The following MED12L variants were observed in gnomAD, a reference collection of about 807,000 sequenced individuals.
MED12L encodes the protein mediator of RNA polymerase II transcription subunit 12-like protein.
A neutral mutation model predicts 281.3 loss-of-function variants in MED12L; 60 were observed. The observed-to-expected ratio is 0.21, with a 90% confidence interval of 0.17 to 0.26. MED12L has a LOEUF of 0.26. MED12L is among the 10% of genes least tolerant of loss of function. MED12L has a pLI of 1.00. For missense variants in MED12L, 2,146 were observed against 2,680.9 expected (o/e 0.80, Z 4.41); for synonymous variants, 974 against 987.2 (o/e 0.99, Z 0.25).
chr3:151,141,187 G>GTTTTTTTGTTTT (rs376743895), intron 5 of MED12L, among the ~76,000 whole-genome samples: 21 of 99,110 alleles, frequency 2.1e-4, no homozygotes, highest in South Asian at 6.9e-4. Context: ...TGTTTTTTTT[G>GTTTTTTTGTTTT]TTTTTTTTTT....
In MED12L at chr3:151,409,346, C is replaced by T; in HGVS notation, c.5910+14C>T. The stretch of plus-strand genomic sequence containing the variant: ...CAGCAAGCACAGGTACCCACATTTG[C>T]TTTGTAGGTACTGACAGGATTTTCA... On this transcript the variant is annotated intron_variant, in intron 40 of 44. Transcript: ENST00000687756. The T allele has an allele frequency of 1.2e-6, 2 of 1,612,134 alleles. No homozygotes were observed. Among genetic ancestry groups the T allele is most frequent in the Middle Eastern group, 3.4e-4 (2 of 5,922 alleles).
intron 43 of MED12L, among the ~76,000 whole-genome samples, chr3:151,420,952 C>T (rs1311630835): frequency 6.6e-6 from 1 of 152,204 alleles, no homozygotes; most frequent in Non-Finnish European, 1.5e-5. Flanking sequence ...TGGAAGAAGT[C>T]CAATATAATC....
chr3:151,344,091 G>A lies in MED12L; in HGVS notation c.2251-5968G>A, dbSNP rs139359254. ...CGAGTCTTGGGCATTGAAATATTTC[G>A]CAAAAATGAATGCCGTCTTTTGTGA... On this transcript the variant is annotated intron_variant, in intron 16 of 44. Coordinates refer to ENST00000687756, the MANE Select transcript of MED12L (RefSeq NM_001393769.1). 7.2e-4 allele frequency among the ~76,000 whole-genome samples: 110 copies of A among 151,966 alleles called. 1 individual carries two copies. The highest frequency in any genetic ancestry group is 2.3e-3 in the African/African-American group (97 of 41,462).
chr3:151,127,728 T>C (rs1714738507), intron 4 of MED12L, 97 bp from the exon 5 acceptor site: 2 of 843,500 alleles, frequency 2.4e-6, no homozygotes, highest in Admixed American at 2.9e-5. Context: ...AGCAGGTAAC[T>C]TACAGACTCT....
At chr3:151,429,523 A>G (rs994752856) in intron 43 of MED12L, among the ~76,000 whole-genome samples, 5 of 152,250 alleles carry the variant, frequency 3.3e-5, no homozygotes, top group African/African-American at 1.2e-4. Context: ...TTGAAGATCA[A>G]GATAAAAAAG....
At chr3:151,228,323 G>C (rs1452649907) in intron 16 of MED12L, among the ~76,000 whole-genome samples, 1 of 152,122 alleles carries the variant, frequency 6.6e-6, no homozygotes, top group Non-Finnish European at 1.5e-5. Flanking sequence ...AGCTACCTCA[G>C]CTACATCTAG....
chr3:151,385,922 C>G (rs1384733593), intron 36 of MED12L, among the ~76,000 whole-genome samples: 1 of 152,070 alleles, frequency 6.6e-6, no homozygotes, highest in African/African-American at 2.4e-5. Context: ...ATTCCACAAT[C>G]ACCAAGATGA....
intron 16 of MED12L, among the ~76,000 whole-genome samples, chr3:151,234,346 G>T (rs1732298918): frequency 6.6e-6 from 1 of 152,242 alleles, no homozygotes; most frequent in African/African-American, 2.4e-5. Context: ...AAAGCCTAGA[G>T]AGCTTGAATA....
At chr3:151,141,166 G>GTTTTTTTTTTGTTT (rs1716884231) in intron 5 of MED12L, among the ~76,000 whole-genome samples, 2 of 98,122 alleles carry the variant, frequency 2.0e-5, no homozygotes, top group Admixed American at 9.7e-5. Flanking sequence ...CGTGCCTGGC[G>GTTTTTTTTTTGTTT]TTTTTTTTTT....
At chr3:151,376,938 T>A (rs1466678517) in intron 29 of MED12L, 53 bp from the exon 30 acceptor site, 1 of 1,610,720 alleles carries the variant, frequency 6.2e-7, no homozygotes, top group Non-Finnish European at 8.5e-7. Flanking sequence ...CACGTTGATG[T>A]TTGAGGATAA....
At position 151,429,473 on chromosome 3, in the gene MED12L, G is replaced by A. The variant is rs116122532; in HGVS notation, c.6409-826G>A. Among the ~76,000 whole-genome samples the A allele has an allele frequency of 3.2e-3, 491 of 152,336 alleles. 4 individuals are homozygous for A. The highest frequency in any genetic ancestry group is 0.011 in the African/African-American group (451 of 41,576). ...GAGAGAAGAGGGTTGGAGGAGGAGA[G>A]AAGGGGAAGAAAGAAAAGGAGAAAA... On this transcript the variant is annotated intron_variant, in intron 43 of 44. Coordinates refer to ENST00000687756, the MANE Select transcript of MED12L (RefSeq NM_001393769.1).
In MED12L at chr3:151,254,371, G is replaced by A. The variant is rs139202283; in HGVS notation, c.2250+60705G>A. ...TTTATAGCAGAGGCTTAACATTTAC[G>A]TTTGAAGGATTGCAACTCCCTAATT... On this transcript the variant is annotated intron_variant, in intron 16 of 44. Coordinates refer to ENST00000687756, the MANE Select transcript of MED12L (RefSeq NM_001393769.1). Among the ~76,000 whole-genome samples, 49 of 152,266 alleles carry A rather than the reference G, an allele frequency of 3.2e-4. No individual in the cohort carries two copies. In the East Asian group the frequency reaches 7.9e-3, roughly 25 times the overall value.
intron 16 of MED12L, among the ~76,000 whole-genome samples, chr3:151,219,314 A>G (rs1728860921): frequency 6.6e-6 from 1 of 152,210 alleles, no homozygotes; most frequent in Non-Finnish European, 1.5e-5. Context: ...CTCACTCCAG[A>G]AATACGTTCA....
At position 151,411,410 on chromosome 3, in the gene MED12L, G is replaced by C. The variant is rs780726741; in HGVS notation, c.6043G>C (p.Val2015Leu). The change falls in exon 41 of 45, where the codon GTG becomes CTG. Residue 2015 changes from valine (V) to leucine (L), a missense_variant. Physicochemically the swap from Val to Leu is conservative, Grantham distance 32. Around this residue, in one of 9 missense-constraint regions of MED12L, gnomAD observed 496 missense variants for 512.0 expected, o/e 0.97. Coordinates refer to ENST00000687756, the MANE Select transcript of MED12L (RefSeq NM_001393769.1). The part of the protein sequence containing the change: ...RAYPAAHSNP[V>L]LMERLRQIQQ... ...CTATCCGGCCGCACATTCCAACCCC[G>C]TGCTAATGGAAAGACTCAGACAGAT... 6.2e-7 allele frequency: 1 copy of C among 1,614,082 alleles called. No individual in the cohort carries two copies. The highest frequency in any genetic ancestry group is 1.3e-5 in the African/African-American group (1 of 74,994).
At chr3:151,381,862 C>T (rs1332761621) in intron 32 of MED12L, among the ~76,000 whole-genome samples, 3 of 152,212 alleles carry the variant, frequency 2.0e-5, no homozygotes, top group African/African-American at 7.2e-5. Flanking sequence ...AGGGTACTTA[C>T]AGGTCATCTG....
chr3:151,417,487 C>CCCCCCT (rs1717736742), intron 43 of MED12L, among the ~76,000 whole-genome samples: 15 of 78,806 alleles, frequency 1.9e-4, no homozygotes, highest in Middle Eastern at 7.5e-3. Context: ...CCCCCCCCGC[C>CCCCCCT]TTTTTTTTTT....
chr3:151,418,308 A>G (rs984257717), intron 43 of MED12L, among the ~76,000 whole-genome samples: 6 of 152,156 alleles, frequency 3.9e-5, no homozygotes, highest in Non-Finnish European at 5.9e-5. Context: ...CATTACTACA[A>G]TGCTTTATAA....
chr3:151,267,182 C>T (rs1405505109), intron 16 of MED12L, among the ~76,000 whole-genome samples: 8 of 152,140 alleles, frequency 5.3e-5, no homozygotes, highest in Non-Finnish European at 7.4e-5. Context: ...GAAGATGTGA[C>T]TTATGACAGT....
intron 25 of MED12L, 40 bp downstream of exon 25, chr3:151,368,291 G>A: frequency 6.4e-7 from 1 of 1,550,748 alleles, no homozygotes; most frequent in Non-Finnish European, 8.9e-7. Context: ...CTTTTCATTG[G>A]TAGCTAAAGT....
Sources: allele counts gnomAD v4.1 joint callset (sites outside exome capture counted in the v4.1 genomes callset), GRCh38; gene constraint gnomAD v4.1.1; regional missense constraint gnomAD v4.1.1; transcripts MANE v1.5; gene names NCBI Gene and HGNC (gene_info 2026-07-23, HGNC 2026-07-21).